The following GSTM5 variants were observed in gnomAD, a reference collection of about 807,000 sequenced individuals.
GSTM5 encodes GST class-mu 5.
GSTM5 carries 24 observed loss-of-function variants against 29.0 expected under a neutral mutation model. The observed-to-expected ratio is 0.83, with a 90% CI of 0.60 to 1.16. GSTM5 has a LOEUF of 1.16. Among genes scored for constraint, GSTM5 ranks in the 50% most tolerant of loss-of-function variants. The pLI, the probability that GSTM5 is intolerant of heterozygous loss-of-function variation, is 0.00. For synonymous variants in GSTM5, 91 were observed against 93.6 expected, an observed-to-expected ratio of 0.97 and a Z score of 0.16; for missense variants, 290 against 263.0, an observed-to-expected ratio of 1.10 and a Z score of -0.71.
At chr1:109,714,185 C>G (rs1390123570) in intron 5 of GSTM5, 2 of 161,590 alleles carry the variant, frequency 1.2e-5, no homozygotes, top group African/African-American at 4.8e-5. Flanking sequence ...AGAGGCAATT[C>G]CCACCAATCT....
chr1:109,712,385 G>A (rs1195977612), intron 1 of GSTM5, 37 bp downstream of exon 1: 22 of 1,607,806 alleles, frequency 1.4e-5, no homozygotes, highest in Non-Finnish European at 1.8e-5. Context: ...GACAGGGGGC[G>A]GAGGCGGGGA....
At chr1:109,711,829 T>C (rs1309827847), upstream of GSTM5, among the ~76,000 whole-genome samples, 1 of 149,008 alleles carries the variant, frequency 6.7e-6, no homozygotes, top group Non-Finnish European at 1.5e-5. Context: ...AATTCCCAGG[T>C]TGGGACCACC....
At chr1:109,712,172 C>G (rs1422391494), upstream of GSTM5, 87 of 922,328 alleles carry the variant, frequency 9.4e-5, no homozygotes, top group Non-Finnish European at 1.4e-4. Context: ...GCTCGGGGGC[C>G]TACAGAATGG....
chr1:109,715,162 C>T lies in GSTM5; in HGVS notation c.489C>T (p.Val163=), dbSNP rs1648699689. The change falls in exon 7 of 8, where the codon GTC becomes GTT. Residue 163 remains valine (V), a synonymous_variant. Transcript: ENST00000256593. ...ITFVDFLAYD[V]LDMKRIFEPK... is the part of the protein sequence containing the mutation. ...TTGTGGATTTCCTTGCCTATGATGTCCTTGACATGAAGCGTATATTTGAGC... is the reference window on the plus strand; with the variant it reads ...TTGTGGATTTCCTTGCCTATGATGTTCTTGACATGAAGCGTATATTTGAGC... 1.2e-6 allele frequency: 2 copies of T among 1,614,194 alleles called. No homozygotes were observed. Among genetic ancestry groups the T allele is most frequent in the Non-Finnish European group, 1.7e-6 (2 of 1,180,038 alleles).
Position 109,713,767 on chromosome 1 carries a change from T to TC in GSTM5, c.360+9dup, listed in dbSNP as rs1648651481. The TC allele has an allele frequency of 3.1e-6, 5 of 1,608,954 alleles. No homozygotes were observed. In the South Asian group the frequency reaches 3.3e-5, roughly 11 times the overall value. ...TGTGCTATGACCCAGATTTTGTGAG[T>TC]CCCACACCCCACTCCCAGTCACCCA... On this transcript the variant is annotated splice_region_variant and intron_variant, in intron 5 of 7. Coordinates refer to ENST00000256593, the MANE Select transcript of GSTM5 (RefSeq NM_000851.4).
chr1:109,713,911 TCTC>T (rs562376126), intron 5 of GSTM5, 150 bp downstream of exon 5: 14 of 514,164 alleles, frequency 2.7e-5, no homozygotes, highest in South Asian at 2.2e-4. Context: ...ACACGAATCT[TCTC>T]CTCTTCTGAA....
intron 7 of GSTM5, chr1:109,715,802 G>A (rs916197398): frequency 2.4e-6 from 1 of 413,666 alleles, no homozygotes; most frequent in African/African-American, 2.0e-5. Flanking sequence ...CCGGAGCTGT[G>A]GCTGGAGCTG....
In GSTM5 at chr1:109,712,713, C is replaced by T. The variant is rs201241248; in HGVS notation, c.112+20C>T. ...GGGACGGTAATGGCACCCTCGTGTC[C>T]GGGCCCTGCCCACTCACGCTGAGTT... is the stretch of plus-strand genomic sequence containing the variant. On this transcript the variant is annotated intron_variant, in intron 2 of 7. Transcript: ENST00000256593. 6.2e-6 allele frequency: 10 copies of T among 1,613,422 alleles called. No individual in the cohort carries two copies. In the Admixed American group the frequency reaches 8.3e-5, roughly 13 times the overall value.
At chr1:109,713,622 T>G in intron 4 of GSTM5, 39 bp from the exon 5 acceptor site, 1 of 1,614,152 alleles carries the variant, frequency 6.2e-7, no homozygotes, top group Non-Finnish European at 8.5e-7. Flanking sequence ...TTGGCTGGGC[T>G]GTGATGCTGA....
At chr1:109,712,374 G>A in intron 1 of GSTM5, 26 bp downstream of exon 1, 3 of 1,612,592 alleles carry the variant, frequency 1.9e-6, no homozygotes, top group Non-Finnish European at 2.5e-6. Context: ...CTGGTGGGTG[G>A]GACAGGGGGC....
Position 109,712,598 on chromosome 1 carries a change from C to A in GSTM5, c.37-20C>A. 1 of 1,613,440 alleles carries A rather than the reference C, an allele frequency of 6.2e-7. No homozygotes were observed. Among genetic ancestry groups the A allele is most frequent in the Admixed American group, 1.7e-5 (1 of 60,030 alleles). ...AGGGACCCTCCATCTCTGACCCGAG[C>A]CGCGGGCCATCTCTCCCAGCTGGCC... On this transcript the variant is annotated intron_variant, in intron 1 of 7. Transcript: ENST00000256593.
In GSTM5 at chr1:109,712,260, T is replaced by G; in HGVS notation, c.-53T>G. The G allele has an allele frequency of 6.2e-7, 1 of 1,607,058 alleles. No individual in the cohort carries two copies. The highest frequency in any genetic ancestry group is 8.5e-7 in the Non-Finnish European group (1 of 1,173,888). On this transcript the variant is annotated 5_prime_UTR_variant, in exon 1 of 8. Transcript: ENST00000256593. ...CTGTCCCCTCCTGGGCCTCTCAAAG[T>G]CTGAGCCCCGCTCCGCTGATGCCTG...
At position 109,717,568 on chromosome 1, in the gene GSTM5, C is replaced by CT; in HGVS notation, c.*145dup. 2 of 633,430 alleles carry CT rather than the reference C, an allele frequency of 3.2e-6. No individual in the cohort carries two copies. Among genetic ancestry groups the CT allele is most frequent in the South Asian group, 3.7e-5 (2 of 54,606 alleles). 39.2% of individuals were successfully genotyped at this position (633,430 alleles called of 1,614,324 possible). On this transcript the variant is annotated 3_prime_UTR_variant, in exon 8 of 8. Coordinates refer to ENST00000256593, the MANE Select transcript of GSTM5 (RefSeq NM_000851.4). Reference sequence around the variant, plus strand: ...TCTTCCCCAAGGCCTCATTGGCTTCCTTTCTTCTAACATCATCCCTCCCCG... The same window carrying CT: ...TCTTCCCCAAGGCCTCATTGGCTTCCTTTTCTTCTAACATCATCCCTCCCCG...
In GSTM5 at chr1:109,712,295, T is replaced by C. The variant is rs370842568; in HGVS notation, c.-18T>C. 2.5e-6 allele frequency: 4 copies of C among 1,613,852 alleles called. No individual in the cohort carries two copies. Among genetic ancestry groups the C allele is most frequent in the Non-Finnish European group, 3.4e-6 (4 of 1,179,946 alleles). On this transcript the variant is annotated 5_prime_UTR_variant, in exon 1 of 8. Transcript: ENST00000256593. ...GCTCCGCTGATGCCTGTCTGCAGAATCCGCACCAACCAGCACCATGCCCAT... is the reference window on the plus strand; with the variant it reads ...GCTCCGCTGATGCCTGTCTGCAGAACCCGCACCAACCAGCACCATGCCCAT...
chr1:109,712,977 C>A, intron 2 of GSTM5, 142 bp from the exon 3 acceptor site: 1 of 1,018,386 alleles, frequency 9.8e-7, no homozygotes, highest in East Asian at 2.6e-5. Context: ...ATTCTTTCTC[C>A]CTGAACCCTG....
At chr1:109,712,867 C>T (rs111611566) in intron 2 of GSTM5, 174 bp downstream of exon 2, 33 of 882,874 alleles carry the variant, frequency 3.7e-5, no homozygotes, top group Middle Eastern at 5.1e-4. Context: ...AATGCTGGGG[C>T]GGGATGCTGG....
At chr1:109,712,200 G>A (rs1380019137), upstream of GSTM5, 1 of 1,118,938 alleles carries the variant, frequency 8.9e-7, no homozygotes, top group African/African-American at 1.5e-5. Flanking sequence ...CGGGGTTGTG[G>A]CGGGCCGAGG....
At chr1:109,715,279 T>C (rs1162425307) in intron 7 of GSTM5, 39 bp downstream of exon 7, 1 of 1,614,218 alleles carries the variant, frequency 6.2e-7, no homozygotes, top group South Asian at 1.1e-5. Flanking sequence ...ATGCCCCTTG[T>C]TCCTTTCTCT....
In GSTM5 at chr1:109,717,337, G is replaced by A; in HGVS notation, c.568G>A (p.Gly190Ser). The change falls in exon 8 of 8, where the codon GGT becomes AGT. Residue 190 changes from glycine to serine, a missense_variant and splice_region_variant. Transcript: ENST00000256593. ...TCTGGCCCCTTCTTCCCGCCCTCAGGGTTTGAAGAAGATCTCTGCCTACAT... is the reference window on the plus strand; with the variant it reads ...TCTGGCCCCTTCTTCCCGCCCTCAGAGTTTGAAGAAGATCTCTGCCTACAT... ...NLKDFISRFE[G>S]LKKISAYMKS... The A allele has an allele frequency of 6.2e-7, 1 of 1,613,144 alleles. No homozygotes were observed. Among genetic ancestry groups the A allele is most frequent in the Non-Finnish European group, 8.5e-7 (1 of 1,179,204 alleles).
Sources: gnomAD v4.1 joint callset for allele counts (sites outside exome capture counted in the v4.1 genomes callset) on GRCh38, gnomAD v4.1.1 for gene constraint, MANE v1.5 for transcripts, NCBI Gene and HGNC (gene_info 2026-07-23, HGNC 2026-07-21) for gene names.